Variants in KCND2 observed in about 807,000 individuals in gnomAD.
KCND2 encodes potassium voltage-gated channel subfamily D member 2, also known as A-type voltage-gated potassium channel KCND2.
Under a neutral mutation model 54.4 loss-of-function variants are expected in KCND2, and 16 were observed. The ratio of observed to expected loss-of-function variants is 0.29; its 90% CI spans 0.20 to 0.45. The LOEUF is 0.45. Ranked by LOEUF, KCND2 falls within the 20% of genes least tolerant of loss-of-function variation. The pLI, the probability that KCND2 is intolerant of heterozygous loss-of-function variation, is 1.00. For synonymous variants in KCND2, 317 were observed against 310.7 expected, an observed-to-expected ratio of 1.02 and a Z score of -0.21; for missense variants, 486 against 824.2, an observed-to-expected ratio of 0.59 and a Z score of 5.02.
In KCND2 at chr7:120,747,934, A is replaced by C. The variant is rs570051222; in HGVS notation, c.*76A>C. The C allele has an allele frequency of 8.2e-5, 97 of 1,176,732 alleles. No homozygotes were observed. Among genetic ancestry groups the C allele is most frequent in the Middle Eastern group, 4.0e-4 (2 of 4,966 alleles). The allele number at this position is 1,176,732 out of a possible 1,614,324, so 72.9% of individuals were successfully genotyped here. On this transcript the variant is annotated 3_prime_UTR_variant, in exon 6 of 6. Coordinates refer to ENST00000331113, the MANE Select transcript of KCND2 (RefSeq NM_012281.3). ...TCTCAACATAGAAGAAAGAAGAAAC[A>C]ATAAATATTCTGCAGATTAATGCAG...
intron 2 of KCND2, among the ~76,000 whole-genome samples, chr7:120,738,307 A>C (rs796276178): frequency 1.9e-4 from 29 of 152,100 alleles, no homozygotes; most frequent in African/African-American, 6.3e-4. Context: ...AGAACCAGTC[A>C]TTTGCTTCAT....
intron 1 of KCND2, among the ~76,000 whole-genome samples, chr7:120,700,203 A>G (rs2116026825): frequency 6.6e-6 from 1 of 152,366 alleles, no homozygotes; most frequent in Admixed American, 6.5e-5. Context: ...ACAGTAGAGT[A>G]GATGAGCATT....
intron 1 of KCND2, among the ~76,000 whole-genome samples, chr7:120,557,225 A>G (rs1792176703): frequency 6.6e-6 from 1 of 152,188 alleles, no homozygotes. Context: ...ATGCATAAAG[A>G]TAAAATCAGG....
intron 1 of KCND2, among the ~76,000 whole-genome samples, chr7:120,539,048 A>G (rs938475193): frequency 6.6e-6 from 1 of 150,570 alleles, no homozygotes; most frequent in Non-Finnish European, 1.5e-5. Flanking sequence ...ATAATAAATT[A>G]TAAGTAATAT....
At chr7:120,474,777 A>G (rs1486796135) in intron 1 of KCND2, among the ~76,000 whole-genome samples, 1 of 152,156 alleles carries the variant, frequency 6.6e-6, no homozygotes, top group Non-Finnish European at 1.5e-5. Flanking sequence ...CTCCAGGGAA[A>G]GATCCCAGGA....
chr7:120,714,139 C>A (rs1300603656), intron 1 of KCND2, among the ~76,000 whole-genome samples: 1 of 152,022 alleles, frequency 6.6e-6, no homozygotes, highest in Non-Finnish European at 1.5e-5. Flanking sequence ...CTATATAATT[C>A]AGTTCTACAG....
intron 1 of KCND2, among the ~76,000 whole-genome samples, chr7:120,376,145 A>T (rs113705369): frequency 2.0e-5 from 3 of 151,822 alleles, no homozygotes; most frequent in African/African-American, 7.2e-5. Context: ...ACTATCTTTA[A>T]TAGTTTGAAA....
intron 1 of KCND2, among the ~76,000 whole-genome samples, chr7:120,698,251 C>G (rs1344367877): frequency 6.6e-6 from 1 of 151,966 alleles, no homozygotes; most frequent in East Asian, 1.9e-4. Flanking sequence ...AACCTTTTAT[C>G]CTTTTAATAC....
intron 1 of KCND2, among the ~76,000 whole-genome samples, chr7:120,281,964 TGGGAA>T: frequency 6.6e-6 from 1 of 152,188 alleles, no homozygotes; most frequent in Middle Eastern, 3.2e-3. Flanking sequence ...TCTTTTTGAC[TGGGAA>T]GGGCTGTGAG....
At chr7:120,659,032 A>G (rs1299826601) in intron 1 of KCND2, among the ~76,000 whole-genome samples, 2 of 152,250 alleles carry the variant, frequency 1.3e-5, no homozygotes, top group African/African-American at 4.8e-5. Context: ...CTCGGTATGT[A>G]ACTAACTGAA....
Position 120,669,969 on chromosome 7 carries a change from A to G in KCND2, c.1116-62934A>G, listed in dbSNP as rs568218055. Among the ~76,000 whole-genome samples, 109 of 152,224 alleles carry G rather than the reference A, an allele frequency of 7.2e-4. 2 individuals carry two copies. The highest frequency in any genetic ancestry group is 2.5e-3 in the African/African-American group (102 of 41,560). On this transcript the variant is annotated intron_variant, in intron 1 of 5. Coordinates refer to ENST00000331113, the MANE Select transcript of KCND2 (RefSeq NM_012281.3). Reference sequence around the variant, plus strand: ...TAAAGATAAAGATAAAGATATGTTAATTACATATAAAGCTTTCTGCAGGAC... The same window carrying G: ...TAAAGATAAAGATAAAGATATGTTAGTTACATATAAAGCTTTCTGCAGGAC...
intron 1 of KCND2, among the ~76,000 whole-genome samples, chr7:120,354,642 A>C (rs932087864): frequency 6.6e-6 from 1 of 152,146 alleles, no homozygotes; most frequent in East Asian, 1.9e-4. Flanking sequence ...TAACTACTTG[A>C]GGGGGAGGTG....
At chr7:120,642,567 AAT>A (rs1793390612) in intron 1 of KCND2, among the ~76,000 whole-genome samples, 1 of 120,052 alleles carries the variant, frequency 8.3e-6, no homozygotes, top group African/African-American at 4.2e-5. Context: ...AAAAATAAAA[AAT>A]AAAAAAAAAT....
At chr7:120,605,189 A>G (rs966638865) in intron 1 of KCND2, among the ~76,000 whole-genome samples, 8 of 152,138 alleles carry the variant, frequency 5.3e-5, no homozygotes, top group Admixed American at 5.2e-4. Context: ...CACCACCCTA[A>G]AAAGAAACCA....
chr7:120,455,739 G>T (rs1222506211), intron 1 of KCND2, among the ~76,000 whole-genome samples: 1 of 152,076 alleles, frequency 6.6e-6, no homozygotes, highest in Non-Finnish European at 1.5e-5. Context: ...AGGAACAGAA[G>T]ACCAAATACT....
At chr7:120,580,768 A>G (rs1792505100) in intron 1 of KCND2, among the ~76,000 whole-genome samples, 1 of 152,210 alleles carries the variant, frequency 6.6e-6, no homozygotes, top group African/African-American at 2.4e-5. Flanking sequence ...GAATCTAAAA[A>G]AAAAGCCCCC....
At chr7:120,411,553 C>T (rs772244664) in intron 1 of KCND2, among the ~76,000 whole-genome samples, 3 of 151,738 alleles carry the variant, frequency 2.0e-5, no homozygotes, top group East Asian at 1.9e-4. Flanking sequence ...CTCAGATCTA[C>T]GCTTTGAGTG....
chr7:120,458,208 G>A (rs1802227828), intron 1 of KCND2, among the ~76,000 whole-genome samples: 2 of 152,148 alleles, frequency 1.3e-5, no homozygotes, highest in African/African-American at 4.8e-5. Context: ...GAGACAGAAG[G>A]AAATATTAAG....
chr7:120,674,017 A>T (rs1584878575), intron 1 of KCND2, among the ~76,000 whole-genome samples: 1 of 151,160 alleles, frequency 6.6e-6, no homozygotes, highest in Non-Finnish European at 1.5e-5. Flanking sequence ...CGATTCTCCT[A>T]CCTCAGCCTC....
Sources: gnomAD v4.1 joint callset for allele counts (sites outside exome capture counted in the v4.1 genomes callset) on GRCh38, gnomAD v4.1.1 for gene constraint, MANE v1.5 for transcripts, NCBI Gene and HGNC (gene_info 2026-07-23, HGNC 2026-07-21) for gene names.